The following PSMD14 variants were observed in gnomAD, a reference collection of about 807,000 sequenced individuals.
PSMD14 encodes the protein ubiquitin C-terminal hydrolase PSMD14.
PSMD14 carries 7 observed loss-of-function variants against 41.2 expected under a neutral mutation model. The ratio of observed to expected loss-of-function variants is 0.17; its 90% CI spans 0.10 to 0.32. PSMD14 has a LOEUF of 0.32. Ranked by LOEUF, PSMD14 falls within the 10% of genes least tolerant of loss-of-function variation. The probability of loss-of-function intolerance (pLI) is 1.00; values close to 1 mark genes in which losing one functional copy is unlikely to be tolerated. For missense variants in PSMD14, 139 were observed against 375.6 expected, an observed-to-expected ratio of 0.37 and a Z score of 5.21; for synonymous variants, 114 against 122.3, an observed-to-expected ratio of 0.93 and a Z score of 0.45.
intron 10 of PSMD14, among the ~76,000 whole-genome samples, chr2:161,407,255 T>A (rs887604413): frequency 6.6e-6 from 1 of 152,128 alleles, no homozygotes; most frequent in Non-Finnish European, 1.5e-5. Flanking sequence ...CATTGAATAG[T>A]GGGAGAAGCA....
At position 161,367,553 on chromosome 2, in the gene PSMD14, G is replaced by A. The variant is rs2105256133; in HGVS notation, c.120+4G>A. On this transcript the variant is annotated splice_donor_region_variant and intron_variant, in intron 4 of 11. Transcript: ENST00000409682. ...CTCTTCCCTGGCACTGTTAAAAGTAGGTAATGAATGTAGTTACTTGCTTTA... is the reference window on the plus strand; with the variant it reads ...CTCTTCCCTGGCACTGTTAAAAGTAAGTAATGAATGTAGTTACTTGCTTTA... 6.3e-7 allele frequency: 1 copy of A among 1,590,190 alleles called. No homozygotes were observed. The highest frequency in any genetic ancestry group is 8.6e-7 in the Non-Finnish European group (1 of 1,166,286).
intron 8 of PSMD14, among the ~76,000 whole-genome samples, chr2:161,386,877 A>G (rs1683642676): frequency 6.6e-6 from 1 of 151,978 alleles, no homozygotes; most frequent in South Asian, 2.1e-4. Context: ...TTTAAAATTA[A>G]AGCACTGCTT....
At chr2:161,318,782 T>G (rs747328901) in intron 2 of PSMD14, 40 bp from the exon 3 acceptor site, 1 of 1,541,656 alleles carries the variant, frequency 6.5e-7, no homozygotes, top group Admixed American at 1.7e-5. Flanking sequence ...ATAAACATTT[T>G]TGTGCTTAGG....
At chr2:161,352,742 CTCT>C (rs1683137406) in intron 3 of PSMD14, among the ~76,000 whole-genome samples, 1 of 151,796 alleles carries the variant, frequency 6.6e-6, no homozygotes, top group Non-Finnish European at 1.5e-5. Flanking sequence ...CTTTGTCTTT[CTCT>C]TCTTTCATTA....
chr2:161,336,254 A>G (rs894819401), intron 3 of PSMD14, among the ~76,000 whole-genome samples: 1 of 152,214 alleles, frequency 6.6e-6, no homozygotes, highest in Non-Finnish European at 1.5e-5. Flanking sequence ...CTTTTATATC[A>G]ACTGGCAAAA....
chr2:161,374,363 A>G (rs995566186), intron 7 of PSMD14, among the ~76,000 whole-genome samples: 2 of 152,062 alleles, frequency 1.3e-5, no homozygotes, highest in Non-Finnish European at 2.9e-5. Flanking sequence ...CAATTTAGAC[A>G]GACTTATTCC....
At chr2:161,389,912 T>TTTTTTTTTTTTTTTTTTTA (rs1299369817) in intron 8 of PSMD14, among the ~76,000 whole-genome samples, 6 of 130,292 alleles carry the variant, frequency 4.6e-5, no homozygotes, top group African/African-American at 2.0e-4. Flanking sequence ...TTTTTTTTTT[T>TTTTTTTTTTTTTTTTTTTA]AGAGATGGGG....
intron 2 of PSMD14, 31 bp from the exon 3 acceptor site, chr2:161,318,791 G>A (rs1439992603): frequency 1.3e-6 from 2 of 1,588,540 alleles, no homozygotes; most frequent in Non-Finnish European, 1.7e-6. Flanking sequence ...TTTGTGCTTA[G>A]GAACGTTTTT....
At chr2:161,368,328 T>C (rs1683386654) in intron 5 of PSMD14, among the ~76,000 whole-genome samples, 1 of 152,126 alleles carries the variant, frequency 6.6e-6, no homozygotes, top group African/African-American at 2.4e-5. Flanking sequence ...TAAAAAATGT[T>C]CTATATATGG....
At chr2:161,354,969 A>G (rs2105249278) in intron 3 of PSMD14, among the ~76,000 whole-genome samples, 1 of 152,352 alleles carries the variant, frequency 6.6e-6, no homozygotes. Context: ...GGAGGAACTC[A>G]GTAGGCCTAG....
intron 3 of PSMD14, among the ~76,000 whole-genome samples, chr2:161,343,245 C>G (rs1682992690): frequency 6.6e-6 from 1 of 152,198 alleles, no homozygotes; most frequent in Non-Finnish European, 1.5e-5. Flanking sequence ...TCATCCCTTG[C>G]AGCCAGCATT....
At chr2:161,316,289 T>C (rs1037991461) in intron 1 of PSMD14, 148 bp from the exon 2 acceptor site, 3 of 152,240 alleles carry the variant, frequency 2.0e-5, no homozygotes, top group Admixed American at 6.5e-5. Context: ...AGGGAGATCA[T>C]TCTATACTCT....
intron 3 of PSMD14, among the ~76,000 whole-genome samples, chr2:161,361,246 T>A (rs1198990334): frequency 6.6e-6 from 1 of 152,148 alleles, no homozygotes; most frequent in East Asian, 1.9e-4. Context: ...AATGAAAAAT[T>A]AAAATAGAAT....
At chr2:161,395,263 C>G in intron 10 of PSMD14, 60 bp downstream of exon 10, 2 of 1,350,132 alleles carry the variant, frequency 1.5e-6, no homozygotes, top group Non-Finnish European at 1.0e-6. Context: ...GATTAGATGC[C>G]AAGCATTGTG....
At chr2:161,388,442 T>C (rs554219841) in intron 8 of PSMD14, among the ~76,000 whole-genome samples, 28 of 152,196 alleles carry the variant, frequency 1.8e-4, no homozygotes, top group East Asian at 1.7e-3. Flanking sequence ...TATATTATCA[T>C]TGGAAATTTA....
intron 3 of PSMD14, among the ~76,000 whole-genome samples, chr2:161,346,807 T>G (rs184924296): frequency 6.6e-6 from 1 of 152,132 alleles, no homozygotes; most frequent in East Asian, 1.9e-4. Flanking sequence ...GAACAGGAAC[T>G]CTTTCCAGTG....
chr2:161,319,420 A>G (rs1027110382), intron 3 of PSMD14, among the ~76,000 whole-genome samples: 4 of 151,976 alleles, frequency 2.6e-5, no homozygotes, highest in African/African-American at 9.7e-5. Flanking sequence ...TTGTTTTAAT[A>G]TTGTTTATCT....
At chr2:161,315,286 A>G (rs971079606) in intron 1 of PSMD14, among the ~76,000 whole-genome samples, 2 of 152,226 alleles carry the variant, frequency 1.3e-5, no homozygotes, top group African/African-American at 4.8e-5. Context: ...CTGGTCCTGA[A>G]TATCAGTAGT....
chr2:161,382,404 G>T (rs1225173251), intron 7 of PSMD14: 1 of 151,834 alleles, frequency 6.6e-6, no homozygotes, highest in East Asian at 1.9e-4. Flanking sequence ...CCTTTAACAT[G>T]AATTTAACAA....
Sources: allele counts gnomAD v4.1 joint callset (sites outside exome capture counted in the v4.1 genomes callset), GRCh38; gene constraint gnomAD v4.1.1; transcripts MANE v1.5; gene names NCBI Gene and HGNC (gene_info 2026-07-23, HGNC 2026-07-21).